RIMS4: variants seen among roughly 807,000 people sequenced by gnomAD.
The protein encoded by RIMS4 is regulating synaptic membrane exocytosis protein 4.
In RIMS4, 9 loss-of-function variants were observed where a neutral mutation model predicts 29.0. The observed-to-expected ratio is 0.31, with a 90% confidence interval of 0.19 to 0.54. The LOEUF (loss-of-function observed/expected upper bound fraction) is 0.54. Ranked by LOEUF, RIMS4 falls within the 20% of genes least tolerant of loss-of-function variation. The pLI is 0.94. For missense variants in RIMS4, 193 were observed against 365.7 expected (o/e 0.53, Z 3.85); for synonymous variants, 130 against 152.9 (o/e 0.85, Z 1.10).
intron 2 of RIMS4, among the ~76,000 whole-genome samples, chr20:44,764,093 C>CCCAT (rs1334610449): frequency 2.8e-5 from 1 of 35,680 alleles, no homozygotes; most frequent in African/African-American, 8.7e-5. Flanking sequence ...CATCCATCCA[C>CCCAT]CCATCCATCC....
chr20:44,804,487 C>T (rs1201368259), intron 1 of RIMS4, among the ~76,000 whole-genome samples: 1 of 152,162 alleles, frequency 6.6e-6, no homozygotes, highest in Non-Finnish European at 1.5e-5. Flanking sequence ...CCAAAAGTGG[C>T]ACCTTTCCAG....
At chr20:44,783,141 A>C (rs2066192215) in intron 1 of RIMS4, among the ~76,000 whole-genome samples, 1 of 152,252 alleles carries the variant, frequency 6.6e-6, no homozygotes, top group African/African-American at 2.4e-5. Context: ...AAGGTCCCAC[A>C]GCAAGTAAAG....
At chr20:44,784,752 T>C (rs964342994) in intron 1 of RIMS4, among the ~76,000 whole-genome samples, 3 of 152,162 alleles carry the variant, frequency 2.0e-5, no homozygotes, top group African/African-American at 4.8e-5. Flanking sequence ...CTTAGCAGAG[T>C]TGCAGAGAAG....
chr20:44,777,449 C>A (rs557338916), intron 1 of RIMS4, among the ~76,000 whole-genome samples: 23 of 152,180 alleles, frequency 1.5e-4, no homozygotes, highest in Non-Finnish European at 2.2e-4. Context: ...GTACCATGTA[C>A]AAATTATATA....
At chr20:44,772,794 C>T (rs1426196915) in intron 1 of RIMS4, among the ~76,000 whole-genome samples, 1 of 152,168 alleles carries the variant, frequency 6.6e-6, no homozygotes, top group Non-Finnish European at 1.5e-5. Context: ...CCAATCACAC[C>T]CAGTCATCCT....
intron 1 of RIMS4, among the ~76,000 whole-genome samples, chr20:44,784,245 G>C (rs145609511): frequency 6.6e-6 from 1 of 152,150 alleles, no homozygotes; most frequent in Non-Finnish European, 1.5e-5. Context: ...ACGTGCAGTG[G>C]GTACATGGGA....
At chr20:44,781,994 G>A (rs1250744932) in intron 1 of RIMS4, among the ~76,000 whole-genome samples, 3 of 152,152 alleles carry the variant, frequency 2.0e-5, no homozygotes, top group Non-Finnish European at 2.9e-5. Flanking sequence ...TACAGCCCAC[G>A]TACTTCCGTC....
At chr20:44,772,074 T>G (rs2066139882) in intron 1 of RIMS4, among the ~76,000 whole-genome samples, 1 of 152,100 alleles carries the variant, frequency 6.6e-6, no homozygotes, top group Admixed American at 6.5e-5. Flanking sequence ...TTAAGGCAAA[T>G]TACTCAGCCT....
chr20:44,767,797 C>A (rs1207389383), intron 2 of RIMS4, among the ~76,000 whole-genome samples: 1 of 152,208 alleles, frequency 6.6e-6, no homozygotes, highest in Non-Finnish European at 1.5e-5. Context: ...AAGCCCAGCA[C>A]AGTGTCTGCA....
chr20:44,769,430 G>A (rs8121320), intron 2 of RIMS4, among the ~76,000 whole-genome samples: 1 of 152,124 alleles, frequency 6.6e-6, no homozygotes, highest in Non-Finnish European at 1.5e-5. Flanking sequence ...TCAAACATGA[G>A]AGAGGTCCAC....
chr20:44,786,857 T>C (rs978634569), intron 1 of RIMS4, among the ~76,000 whole-genome samples: 2 of 152,252 alleles, frequency 1.3e-5, no homozygotes, highest in African/African-American at 4.8e-5. Flanking sequence ...GATTCATTCA[T>C]TCATTCACTC....
In RIMS4 at chr20:44,752,483, G is replaced by A. The variant is rs1486115853; in HGVS notation, c.*3651C>T. 1.3e-5 allele frequency: 2 copies of A among 152,316 alleles called. No homozygotes were observed. The highest frequency in any genetic ancestry group is 2.9e-5 in the Non-Finnish European group (2 of 68,138). 9.4% of individuals were successfully genotyped at this position (152,316 alleles called of 1,614,324 possible). A position where few individuals can be genotyped will look rare whatever the true frequency, so the allele number is the denominator to read the frequency against. ...TAAAAGAGTGAGCTCTGGGCTGTTG[G>A]AGAACCGAGTTCCAGTCCTGCCCAC... On this transcript the variant is annotated 3_prime_UTR_variant, in exon 6 of 6. Coordinates refer to ENST00000372851, the MANE Select transcript of RIMS4 (RefSeq NM_182970.4).
intron 2 of RIMS4, among the ~76,000 whole-genome samples, chr20:44,762,626 T>C (rs1313827669): frequency 6.6e-6 from 1 of 152,186 alleles, no homozygotes; most frequent in Non-Finnish European, 1.5e-5. Context: ...TAATTGTTTA[T>C]AATATCTGGG....
intron 1 of RIMS4, among the ~76,000 whole-genome samples, chr20:44,798,235 G>A (rs1271759048): frequency 2.0e-5 from 3 of 152,224 alleles, no homozygotes; most frequent in Non-Finnish European, 4.4e-5. Flanking sequence ...AAAGAAGCAT[G>A]AGATACATGT....
intron 1 of RIMS4, among the ~76,000 whole-genome samples, chr20:44,788,673 T>C (rs2066219430): frequency 6.6e-6 from 1 of 151,982 alleles, no homozygotes; most frequent in Non-Finnish European, 1.5e-5. Flanking sequence ...CTTGGGAGGC[T>C]GAGGTTTGAG....
chr20:44,796,593 G>C (rs2066256265), intron 1 of RIMS4, among the ~76,000 whole-genome samples: 1 of 152,346 alleles, frequency 6.6e-6, no homozygotes. Flanking sequence ...AAGCACAGGA[G>C]AAGGAGAAAA....
intron 1 of RIMS4, among the ~76,000 whole-genome samples, chr20:44,777,677 A>G (rs2066166185): frequency 6.6e-6 from 1 of 152,136 alleles, no homozygotes; most frequent in Non-Finnish European, 1.5e-5. Context: ...AGAAGGAGAG[A>G]ACTCAACCAG....
Position 44,757,712 on chromosome 20 carries a change from C to T in RIMS4, c.409G>A (p.Ala137Thr). The change falls in exon 4 of 6, where the codon GCT becomes ACT. Residue 137 changes from alanine to threonine, a missense_variant. Ala to Thr is a moderately conservative substitution (Grantham distance 58). Transcript: ENST00000372851. ...NGQLEVDIIQARGLTAKPGSK... is the reference protein window; with the variant it reads ...NGQLEVDIIQTRGLTAKPGSK... The stretch of plus-strand genomic sequence containing the variant: ...CCTGGCTTGGCTGTCAGTCCCCGAG[C>T]CTGGATAATGTCCACCTCCAACTGA... 1 of 1,614,158 alleles carries T rather than the reference C, an allele frequency of 6.2e-7. No individual in the cohort carries two copies. The highest frequency in any genetic ancestry group is 8.5e-7 in the Non-Finnish European group (1 of 1,180,032).
chr20:44,810,101 C>A (rs1246700111), intron 1 of RIMS4, 74 bp downstream of exon 1: 1 of 613,792 alleles, frequency 1.6e-6, no homozygotes, highest in South Asian at 1.9e-5. Context: ...GGAGGGCGCA[C>A]GGGTCGGGGA....
Sources: gnomAD v4.1 joint callset for allele counts (sites outside exome capture counted in the v4.1 genomes callset) on GRCh38, gnomAD v4.1.1 for gene constraint, MANE v1.5 for transcripts, NCBI Gene and HGNC (gene_info 2026-07-23, HGNC 2026-07-21) for gene names.